VGLL4: variants seen among roughly 807,000 people sequenced by gnomAD.
VGLL4 encodes transcription cofactor vestigial-like protein 4.
Under a neutral mutation model 21.0 loss-of-function variants are expected in VGLL4, and 7 were observed. That is an observed-to-expected ratio of 0.33 (90% CI 0.19 to 0.63). VGLL4 has a LOEUF of 0.63. VGLL4 is among the 20% of genes least tolerant of loss of function. The pLI is 0.78. For synonymous variants in VGLL4, 222 were observed against 173.2 expected, an observed-to-expected ratio of 1.28 and a Z score of -2.21; for missense variants, 394 against 425.7, an observed-to-expected ratio of 0.93 and a Z score of 0.66.
intron 2 of VGLL4, among the ~76,000 whole-genome samples, chr3:11,579,704 C>T (rs560183417): frequency 1.3e-4 from 20 of 152,246 alleles, no homozygotes; most frequent in South Asian, 1.2e-3. Flanking sequence ...CACCCTCCCC[C>T]CCAAGTTTCA....
At chr3:11,612,224 T>C (rs1366762823) in intron 1 of VGLL4, 3 of 152,214 alleles carry the variant, frequency 2.0e-5, no homozygotes, top group Non-Finnish European at 4.4e-5. Context: ...TAGGAAGTTC[T>C]ATACTGCTTA....
chr3:11,667,358 C>A lies in VGLL4; in HGVS notation c.64+35613G>T, dbSNP rs1005956993. Among the ~76,000 whole-genome samples the A allele has an allele frequency of 9.2e-5, 14 of 152,322 alleles. 2 individuals are homozygous for A. Among genetic ancestry groups the A allele is most frequent in the Admixed American group, 9.1e-4 (14 of 15,302 alleles). ...GTCCTTATCTTTCCTTCTGAACGTT[C>A]ATACATGTTATCTGTTTAACCTCTT... On this transcript the variant is annotated intron_variant, in intron 2 of 5. Transcript: ENST00000273038.
At position 11,592,344 on chromosome 3, in the gene VGLL4, C is replaced by A. The variant is rs376317343; in HGVS notation, c.272+9489G>T. Among the ~76,000 whole-genome samples, 6 of 152,298 alleles carry A rather than the reference C, an allele frequency of 3.9e-5. No individual in the cohort carries two copies. In the South Asian group the frequency reaches 8.3e-4, roughly 21 times the overall value. On this transcript the variant is annotated intron_variant, in intron 2 of 4. Transcript: ENST00000430365. ...AGCGTAAAGAAAACCCTTGTTTGTTCCTGTGGGATTCTCACCTGTACAAAG... is the reference window on the plus strand; with the variant it reads ...AGCGTAAAGAAAACCCTTGTTTGTTACTGTGGGATTCTCACCTGTACAAAG...
intron 2 of VGLL4, among the ~76,000 whole-genome samples, chr3:11,593,074 T>C (rs1381331444): frequency 1.3e-5 from 2 of 152,238 alleles, no homozygotes; most frequent in Non-Finnish European, 2.9e-5. Context: ...ACGTCCCAGC[T>C]GCTAGCAGGG....
At chr3:11,573,097 C>T (rs1382797409) in intron 2 of VGLL4, among the ~76,000 whole-genome samples, 1 of 151,362 alleles carries the variant, frequency 6.6e-6, no homozygotes, top group African/African-American at 2.4e-5. Flanking sequence ...ACCCGGGAGG[C>T]GGAGGTTGCA....
chr3:11,690,015 C>G (rs1436387234), intron 2 of VGLL4, among the ~76,000 whole-genome samples: 1 of 152,162 alleles, frequency 6.6e-6, no homozygotes, highest in African/African-American at 2.4e-5. Context: ...CCCAACACCC[C>G]CTCAAGGATC....
chr3:11,638,537 C>G (rs1267214984), intron 1 of VGLL4, among the ~76,000 whole-genome samples: 1 of 152,088 alleles, frequency 6.6e-6, no homozygotes, highest in African/African-American at 2.4e-5. Flanking sequence ...CTCTCTCTGT[C>G]TCCCCCTTCC....
chr3:11,653,309 C>T lies in VGLL4; in HGVS notation c.64+49662G>A, dbSNP rs191302125. ...CTATTCCTTCTTCCAGTAACTACCCCCATAGGGTAACTTACTATCCTAACC... is the reference window on the plus strand; with the variant it reads ...CTATTCCTTCTTCCAGTAACTACCCTCATAGGGTAACTTACTATCCTAACC... On this transcript the variant is annotated intron_variant, in intron 2 of 5. Coordinates refer to the VGLL4 transcript ENST00000273038. This position sits in a 1 kb window ranked among gnomAD's most constrained non-coding sequence, Gnocchi z 4.2. Among the ~76,000 whole-genome samples the T allele has an allele frequency of 9.2e-5, 14 of 152,302 alleles. No homozygotes were observed. The East Asian group carries it at 1.5e-3, about 17-fold the overall frequency.
At chr3:11,629,122 A>T (rs2075421277) in intron 1 of VGLL4, among the ~76,000 whole-genome samples, 2 of 152,252 alleles carry the variant, frequency 1.3e-5, no homozygotes, top group Non-Finnish European at 2.9e-5. Context: ...TGAATGAAAT[A>T]AAATTCAGAA....
Position 11,602,012 on chromosome 3 carries a change from A to G in VGLL4, c.93T>C (p.Ala31=). Residue 31 remains alanine, a synonymous_variant, in exon 2 of 5, where the codon GCT becomes GCC. Transcript: ENST00000430365. The part of the protein sequence containing the change: ...IGILCYEGEA[A]LRGEPRIQTL... ...TCTGTATTCTGGGTTCTCCCCTGAG[A>G]GCAGCTTCGCCTACGCAGAGAGAGA... The G allele has an allele frequency of 6.4e-7, 1 of 1,569,124 alleles. No individual in the cohort carries two copies. Among genetic ancestry groups the G allele is most frequent in the Non-Finnish European group, 8.6e-7 (1 of 1,162,570 alleles).
rs1388427354 is a variant in VGLL4, at chr3:11,719,106, A to C, written c.-14+1288T>G. 6.6e-6 allele frequency among the ~76,000 whole-genome samples: 1 copy of C among 152,082 alleles called. No individual in the cohort carries two copies. The highest frequency in any genetic ancestry group is 1.5e-5 in the Non-Finnish European group (1 of 67,996). ...AGTCCTGTTTTGGGGACCGGGCAGG[A>C]AGCACAGGAAGAGTACGGTGCCCCT... On this transcript the variant is annotated intron_variant, in intron 1 of 5. Transcript: ENST00000273038. This position sits in a 1 kb window ranked among gnomAD's most constrained non-coding sequence, Gnocchi z 4.0.
chr3:11,642,022 T>TA (rs59892024), intron 1 of VGLL4, among the ~76,000 whole-genome samples: 3,136 of 139,840 alleles, frequency 0.022, 37 homozygotes, highest in South Asian at 0.061. Context: ...CGGGGATGGT[T>TA]AAAAAAAAAA....
At chr3:11,573,450 G>C (rs2073938169) in intron 2 of VGLL4, among the ~76,000 whole-genome samples, 1 of 152,168 alleles carries the variant, frequency 6.6e-6, no homozygotes, top group Non-Finnish European at 1.5e-5. Context: ...GCTGGGGACA[G>C]GGCTTCTGAC....
At chr3:11,573,378 A>G (rs1333533024) in intron 2 of VGLL4, among the ~76,000 whole-genome samples, 3 of 147,072 alleles carry the variant, frequency 2.0e-5, no homozygotes, top group African/African-American at 5.2e-5. Context: ...AAAGAAAGAA[A>G]GAAAGAAAGA....
At chr3:11,607,592 T>C (rs562150819) in intron 1 of VGLL4, among the ~76,000 whole-genome samples, 1 of 152,362 alleles carries the variant, frequency 6.6e-6, no homozygotes, top group Admixed American at 6.5e-5. Context: ...ATGTGAATTA[T>C]GTCTCAGTAG....
Position 11,643,676 on chromosome 3 carries a change from AAAAAAATCAGGCAC to A in VGLL4, c.-172_-159del. ...AACAAAGTATGCAAAAGTTAAAAAAAAAAAAATCAGGCACAAAAAAATCGAGCTCACACGAAACC... is the reference window on the plus strand; with the variant it reads ...AACAAAGTATGCAAAAGTTAAAAAAAAAAAAAATCGAGCTCACACGAAACC... On this transcript the variant is annotated 5_prime_UTR_variant, in exon 1 of 5. Coordinates refer to ENST00000430365, the MANE Select transcript of VGLL4 (RefSeq NM_001128219.3). 29 of 1,442,108 alleles carry A rather than the reference AAAAAAATCAGGCAC, an allele frequency of 2.0e-5. No homozygotes were observed. The highest frequency in any genetic ancestry group is 2.8e-5 in the Admixed American group (1 of 35,414). 89.3% of individuals were successfully genotyped at this position (1,442,108 alleles called of 1,614,324 possible).
intron 2 of VGLL4, among the ~76,000 whole-genome samples, chr3:11,590,595 C>A (rs949923687): frequency 6.6e-6 from 1 of 152,024 alleles, no homozygotes; most frequent in Non-Finnish European, 1.5e-5. Flanking sequence ...AGACCCAGAA[C>A]ATTACTGCAA....
intron 2 of VGLL4, among the ~76,000 whole-genome samples, chr3:11,693,605 G>A (rs2076563780): frequency 6.6e-6 from 1 of 152,136 alleles, no homozygotes; most frequent in African/African-American, 2.4e-5. Flanking sequence ...CCCTGAATCA[G>A]TTCCTTTCCT....
intron 2 of VGLL4, chr3:11,702,741 A>AC (rs972728062): frequency 1.2e-4 from 30 of 253,730 alleles, no homozygotes; most frequent in African/African-American, 2.8e-4. Flanking sequence ...CAAAAAAAAA[A>AC]AAACAAAAAA....
Sources: gnomAD v4.1 joint callset for allele counts (sites outside exome capture counted in the v4.1 genomes callset) on GRCh38, gnomAD v4.1.1 for gene constraint, Gnocchi (gnomAD v3.1) non-coding constraint, MANE v1.5 for transcripts, NCBI Gene and HGNC (gene_info 2026-07-23, HGNC 2026-07-21) for gene names.